Variants in LARGE1 observed in about 807,000 individuals in gnomAD.
The protein encoded by LARGE1 is xylosyl- and glucuronyltransferase LARGE1.
A neutral mutation model predicts 87.6 loss-of-function variants in LARGE1; 43 were observed. The observed-to-expected ratio is 0.49, with a 90% CI of 0.38 to 0.63. LARGE1 has a LOEUF of 0.63. Among genes scored for constraint, LARGE1 ranks in the 30% least tolerant of loss-of-function variants. LARGE1 has a pLI of 0.00. For missense variants in LARGE1, 802 were observed against 1,000.2 expected (o/e 0.80, Z 2.67); for synonymous variants, 434 against 394.6 (o/e 1.10, Z -1.18).
chr22:33,792,117 A>G (rs1038244175), intron 1 of LARGE1, among the ~76,000 whole-genome samples: 1 of 152,180 alleles, frequency 6.6e-6, no homozygotes, highest in Non-Finnish European at 1.5e-5. Context: ...AACAGAACGC[A>G]CTATGGCCAC....
At chr22:33,391,723 T>C (rs370066877) in intron 7 of LARGE1, among the ~76,000 whole-genome samples, 15 of 151,920 alleles carry the variant, frequency 9.9e-5, no homozygotes, top group African/African-American at 3.6e-4. Context: ...CATTTGTCTT[T>C]GCTCATAAAT....
intron 9 of LARGE1, among the ~76,000 whole-genome samples, chr22:33,369,577 A>C (rs1054488656): frequency 2.7e-5 from 4 of 145,818 alleles, no homozygotes; most frequent in Non-Finnish European, 5.9e-5. Flanking sequence ...TTTCTTTTTT[A>C]TTTTTGAGAC....
upstream of LARGE1, among the ~76,000 whole-genome samples, chr22:33,920,761 C>T (rs1226760183): frequency 1.4e-5 from 2 of 144,894 alleles, no homozygotes; most frequent in African/African-American, 4.9e-5. Flanking sequence ...TTGGCCGCCG[C>T]CGCCGCCTCC....
intron 1 of LARGE1, among the ~76,000 whole-genome samples, chr22:33,785,141 A>G (rs1451992442): frequency 6.8e-6 from 1 of 147,246 alleles, no homozygotes; most frequent in African/African-American, 2.5e-5. Flanking sequence ...GTGTATACAT[A>G]CATATGTGTA....
intron 1 of LARGE1, among the ~76,000 whole-genome samples, chr22:33,867,737 G>A (rs1439648442): frequency 6.6e-6 from 1 of 152,128 alleles, no homozygotes; most frequent in Non-Finnish European, 1.5e-5. Flanking sequence ...AGTCCCGATC[G>A]CTCCTTTTTT....
chr22:33,787,197 T>C (rs573475752), intron 1 of LARGE1, among the ~76,000 whole-genome samples: 4 of 152,236 alleles, frequency 2.6e-5, no homozygotes, highest in African/African-American at 9.6e-5. Context: ...AAAAGATCTT[T>C]GAGACTTCTG....
intron 1 of LARGE1, among the ~76,000 whole-genome samples, chr22:33,831,467 G>A (rs900647199): frequency 6.6e-6 from 1 of 152,130 alleles, no homozygotes; most frequent in South Asian, 2.1e-4. Flanking sequence ...GCCCTGCCGT[G>A]AGGACGGAGT....
At chr22:33,323,866 T>G (rs1412463185) in intron 10 of LARGE1, among the ~76,000 whole-genome samples, 1 of 152,152 alleles carries the variant, frequency 6.6e-6, no homozygotes, top group South Asian at 2.1e-4. Flanking sequence ...CTTTTCAAAT[T>G]CTAATTTAGG....
intron 11 of LARGE1, among the ~76,000 whole-genome samples, chr22:33,314,953 T>C (rs561108945): frequency 1.6e-4 from 24 of 152,182 alleles, no homozygotes; most frequent in Non-Finnish European, 3.2e-4. Context: ...CTCACACTTG[T>C]AATCCCAGCA....
chr22:33,313,789 G>A (rs1245295177), intron 11 of LARGE1, among the ~76,000 whole-genome samples: 1 of 152,188 alleles, frequency 6.6e-6, no homozygotes, highest in East Asian at 1.9e-4. Context: ...TGACATCCCA[G>A]CCCTGGATAA....
chr22:33,153,963 T>C, the LARGE1 span, among the ~76,000 whole-genome samples: 1 of 152,226 alleles, frequency 6.6e-6, no homozygotes, highest in Non-Finnish European at 1.5e-5. Flanking sequence ...GTTTAGGAAA[T>C]TCTCATAAGC....
chr22:33,910,913 C>A (rs1684614026), intron 1 of LARGE1, among the ~76,000 whole-genome samples: 1 of 152,190 alleles, frequency 6.6e-6, no homozygotes, highest in South Asian at 2.1e-4. Context: ...AAGCCAGGGG[C>A]AAGGTCGGTC....
At chr22:33,535,854 C>T (rs1437542411) in intron 6 of LARGE1, among the ~76,000 whole-genome samples, 3 of 152,134 alleles carry the variant, frequency 2.0e-5, no homozygotes, top group Non-Finnish European at 2.9e-5. Flanking sequence ...CTGAAATTTG[C>T]CGGCAACCCT....
At chr22:33,865,121 C>T (rs936423930) in intron 1 of LARGE1, among the ~76,000 whole-genome samples, 10 of 152,344 alleles carry the variant, frequency 6.6e-5, no homozygotes, top group Admixed American at 1.3e-4. Flanking sequence ...TCTGCTTCCA[C>T]GTCTGTGCAG....
At chr22:33,289,052 G>A (rs1006469677) in intron 12 of LARGE1, among the ~76,000 whole-genome samples, 5 of 151,918 alleles carry the variant, frequency 3.3e-5, no homozygotes, top group South Asian at 2.1e-4. Context: ...TCCGCCTCCC[G>A]GGTTCACGCC....
chr22:33,174,168 G>A (rs1922734047), intron 11 of LARGE1, among the ~76,000 whole-genome samples: 1 of 152,130 alleles, frequency 6.6e-6, no homozygotes, highest in African/African-American at 2.4e-5. Context: ...AATCAAATTA[G>A]AACTCAGGAT....
intron 2 of LARGE1, chr22:33,657,163 G>A (rs1261576238): frequency 6.6e-6 from 1 of 152,246 alleles, no homozygotes; most frequent in Non-Finnish European, 1.5e-5. Context: ...AGGGGTGACA[G>A]ACCCAGATCT....
intron 11 of LARGE1, among the ~76,000 whole-genome samples, chr22:33,186,468 C>A (rs187406030): frequency 6.6e-6 from 1 of 151,898 alleles, no homozygotes; most frequent in Non-Finnish European, 1.5e-5. Context: ...TACCTCCCAG[C>A]GAAATAGGAC....
At chr22:33,158,399 A>T (rs959735139), downstream of LARGE1, among the ~76,000 whole-genome samples, 14 of 152,218 alleles carry the variant, frequency 9.2e-5, no homozygotes, top group African/African-American at 3.1e-4. Flanking sequence ...TTTGAACATC[A>T]ATTGACACAA....
Sources: allele counts gnomAD v4.1 joint callset (sites outside exome capture counted in the v4.1 genomes callset), GRCh38; gene constraint gnomAD v4.1.1; transcripts MANE v1.5; gene names NCBI Gene and HGNC (gene_info 2026-07-23, HGNC 2026-07-21).